The following SEMA3D variants were observed in gnomAD, a reference collection of about 807,000 sequenced individuals.
The protein encoded by SEMA3D is semaphorin 3D.
Under a neutral mutation model 100.1 loss-of-function variants are expected in SEMA3D, and 84 were observed. The observed-to-expected ratio is 0.84, with a 90% CI of 0.70 to 1.01. SEMA3D has a LOEUF of 1.01. Among genes scored for constraint, SEMA3D ranks in the 50% least tolerant of loss-of-function variants. The probability of loss-of-function intolerance (pLI) is 0.00; values close to 1 mark genes in which losing one functional copy is unlikely to be tolerated. For synonymous variants in SEMA3D, 312 were observed against 320.7 expected (o/e 0.97, Z 0.29); for missense variants, 875 against 934.1 (o/e 0.94, Z 0.82).
chr7:85,225,684 C>T, the SEMA3D span, among the ~76,000 whole-genome samples: 10 of 152,236 alleles, frequency 6.6e-5, no homozygotes, highest in East Asian at 3.9e-4. Context: ...CTGTAACACA[C>T]GCCCACTGGG....
chr7:85,208,299 T>A, the SEMA3D span, among the ~76,000 whole-genome samples: 2 of 151,984 alleles, frequency 1.3e-5, no homozygotes. Context: ...TGCCTGAGAT[T>A]GACAGCAACA....
At chr7:85,048,973 C>T (rs1791083539) in intron 9 of SEMA3D, among the ~76,000 whole-genome samples, 1 of 151,610 alleles carries the variant, frequency 6.6e-6, no homozygotes, top group African/African-American at 2.4e-5. Context: ...TTCTCTTTAC[C>T]AGAGGAAGGT....
At chr7:85,005,329 A>C (rs1789765285) in intron 18 of SEMA3D, among the ~76,000 whole-genome samples, 1 of 152,094 alleles carries the variant, frequency 6.6e-6, no homozygotes, top group African/African-American at 2.4e-5. Flanking sequence ...GTATCAAATA[A>C]TATTTCAATA....
At chr7:85,119,959 A>AT (rs527903255) in intron 3 of SEMA3D, among the ~76,000 whole-genome samples, 35,053 of 138,912 alleles carry the variant, frequency 0.25, 4,334 homozygotes, top group African/African-American at 0.3. Context: ...CATTAAGTGA[A>AT]TTTTTTTTTT....
intron 14 of SEMA3D, among the ~76,000 whole-genome samples, chr7:85,019,118 G>GT (rs1562785004): frequency 6.6e-6 from 1 of 151,608 alleles, no homozygotes; most frequent in Non-Finnish European, 1.5e-5. Flanking sequence ...AATATGTTCA[G>GT]TTTTTTGTTT....
chr7:85,246,036 T>G, the SEMA3D span, among the ~76,000 whole-genome samples: 2 of 151,948 alleles, frequency 1.3e-5, no homozygotes, highest in South Asian at 4.2e-4. Context: ...AAAATTTGAG[T>G]AGATGTTAAT....
chr7:85,201,818 C>T, the SEMA3D span, among the ~76,000 whole-genome samples: 2 of 151,904 alleles, frequency 1.3e-5, no homozygotes, highest in African/African-American at 2.4e-5. Flanking sequence ...CCTTGATCTC[C>T]AGGACTCAAC....
chr7:85,217,207 C>T, the SEMA3D span, among the ~76,000 whole-genome samples: 1 of 151,998 alleles, frequency 6.6e-6, no homozygotes, highest in Non-Finnish European at 1.5e-5. Context: ...TACATAGAGG[C>T]CTTCAAACCT....
chr7:85,142,877 C>T, intron 2 of SEMA3D: 1 of 984,506 alleles, frequency 1.0e-6, no homozygotes, highest in East Asian at 1.1e-4. Flanking sequence ...ATATGTCTTT[C>T]TTGAGCCATA....
chr7:85,202,525 A>G, the SEMA3D span, among the ~76,000 whole-genome samples: 1 of 152,132 alleles, frequency 6.6e-6, no homozygotes, highest in East Asian at 1.9e-4. Flanking sequence ...TCTGCACCGC[A>G]AAAGAAACTA....
intron 4 of SEMA3D, among the ~76,000 whole-genome samples, chr7:85,093,360 C>A (rs1788456704): frequency 6.6e-6 from 1 of 151,564 alleles, no homozygotes; most frequent in Admixed American, 6.6e-5. Flanking sequence ...TTTTTTTGCT[C>A]CTAAAAAAGA....
chr7:85,156,053 G>C (rs1790586255), intron 1 of SEMA3D, among the ~76,000 whole-genome samples: 2 of 151,424 alleles, frequency 1.3e-5, no homozygotes, highest in South Asian at 4.2e-4. Flanking sequence ...TAGAAATGTA[G>C]ACAAAATAAT....
chr7:85,045,338 T>C (rs375829840), intron 9 of SEMA3D, among the ~76,000 whole-genome samples: 95 of 152,166 alleles, frequency 6.2e-4, no homozygotes, highest in East Asian at 5.6e-3. Context: ...AGTGTCTGTA[T>C]GTTATTAAGT....
chr7:85,071,369 G>A (rs985270012), intron 6 of SEMA3D, among the ~76,000 whole-genome samples: 1 of 152,188 alleles, frequency 6.6e-6, no homozygotes, highest in Non-Finnish European at 1.5e-5. Context: ...AAGTTGGTTA[G>A]AAAGGAAAAT....
Position 85,128,410 on chromosome 7 carries a change from C to G in SEMA3D, c.-40-6479G>C, listed in dbSNP as rs1253943954. On this transcript the variant is annotated intron_variant, in intron 2 of 18. Transcript: ENST00000284136. ...GGTCTCAAGTTCCTGACCTCGTGATCCACCTGCCTCAGGCTCCCAAAGTGT... is the reference window on the plus strand; with the variant it reads ...GGTCTCAAGTTCCTGACCTCGTGATGCACCTGCCTCAGGCTCCCAAAGTGT... Among the ~76,000 whole-genome samples, 18 of 152,138 alleles carry G rather than the reference C, an allele frequency of 1.2e-4. No homozygotes were observed. In the East Asian group the frequency reaches 3.3e-3, roughly 28 times the overall value.
At chr7:85,148,479 G>C (rs1790277924) in intron 2 of SEMA3D, among the ~76,000 whole-genome samples, 1 of 152,092 alleles carries the variant, frequency 6.6e-6, no homozygotes, top group African/African-American at 2.4e-5. Flanking sequence ...CCTTAGCTGA[G>C]AGTAAATACA....
intron 8 of SEMA3D, among the ~76,000 whole-genome samples, chr7:85,058,809 T>G (rs1417382838): frequency 6.7e-6 from 1 of 149,986 alleles, no homozygotes; most frequent in Non-Finnish European, 1.5e-5. Flanking sequence ...AATGTGAGAT[T>G]CGGGTTTCTG....
chr7:85,104,026 T>C (rs112393219), intron 3 of SEMA3D, among the ~76,000 whole-genome samples: 1 of 152,056 alleles, frequency 6.6e-6, no homozygotes, highest in Non-Finnish European at 1.5e-5. Context: ...CCTCTTGATA[T>C]CTTACCAGAA....
Position 85,156,637 on chromosome 7 carries a change from G to A in SEMA3D, c.-172-2898C>T, listed in dbSNP as rs548609232. ...TTATGAGCAAATTTCATCTCCTTATGAGTTGCTTACATTTTCCACCCAAGT... is the reference window on the plus strand; with the variant it reads ...TTATGAGCAAATTTCATCTCCTTATAAGTTGCTTACATTTTCCACCCAAGT... On this transcript the variant is annotated intron_variant, in intron 1 of 18. Transcript: ENST00000284136. Among the ~76,000 whole-genome samples the A allele has an allele frequency of 1.8e-4, 27 of 152,106 alleles. 1 individual carries two copies. The highest frequency in any genetic ancestry group is 3.4e-3 in the Middle Eastern group (1 of 294).
Sources: allele counts gnomAD v4.1 joint callset (sites outside exome capture counted in the v4.1 genomes callset), GRCh38; gene constraint gnomAD v4.1.1; transcripts MANE v1.5; gene names NCBI Gene and HGNC (gene_info 2026-07-23, HGNC 2026-07-21).